VWA8: variants seen among roughly 807,000 people sequenced by gnomAD.
VWA8 encodes von Willebrand factor A domain-containing protein 8.
In VWA8, 221 loss-of-function variants were observed where a neutral mutation model predicts 241.5. The observed-to-expected ratio is 0.91, with a 90% CI of 0.82 to 1.02. The LOEUF (loss-of-function observed/expected upper bound fraction) is 1.02. Ranked by LOEUF, VWA8 falls within the 50% of genes least tolerant of loss-of-function variation. VWA8 has a pLI of 0.00. For synonymous variants in VWA8, 852 were observed against 827.1 expected, an observed-to-expected ratio of 1.03 and a Z score of -0.52; for missense variants, 2,322 against 2,328.7, an observed-to-expected ratio of 1.00 and a Z score of 0.06.
intron 26 of VWA8, among the ~76,000 whole-genome samples, chr13:41,716,351 T>C (rs1300055469): frequency 6.6e-6 from 1 of 152,038 alleles, no homozygotes; most frequent in East Asian, 1.9e-4. Context: ...TGCAGAAACC[T>C]GTGAGATAGA....
At chr13:41,687,924 T>C (rs1243750941) in intron 34 of VWA8, among the ~76,000 whole-genome samples, 2 of 152,136 alleles carry the variant, frequency 1.3e-5, no homozygotes, top group African/African-American at 2.4e-5. Context: ...TTAGCTTTTA[T>C]TTTCTAACTT....
At chr13:41,886,093 T>A in intron 7 of VWA8, 65 bp from the exon 8 acceptor site, 1 of 1,109,686 alleles carries the variant, frequency 9.0e-7, no homozygotes, top group East Asian at 2.7e-5. Context: ...TTGTTAAATA[T>A]AAAATACAGG....
intron 25 of VWA8, among the ~76,000 whole-genome samples, chr13:41,721,127 C>A (rs1283078964): frequency 6.6e-6 from 1 of 152,170 alleles, no homozygotes; most frequent in Non-Finnish European, 1.5e-5. Context: ...TAACAGCCTC[C>A]CACCAAATTT....
chr13:41,843,255 T>TA (rs1269842672), intron 12 of VWA8, among the ~76,000 whole-genome samples: 1 of 152,166 alleles, frequency 6.6e-6, no homozygotes, highest in Non-Finnish European at 1.5e-5. Flanking sequence ...GAATCATATT[T>TA]TATTCAAATA....
In VWA8 at chr13:41,799,229, C is replaced by T. The variant is rs76454356; in HGVS notation, c.2064-11686G>A. Among the ~76,000 whole-genome samples the T allele has an allele frequency of 5.4e-3, 820 of 152,238 alleles. 16 individuals carry two copies. The highest frequency in any genetic ancestry group is 0.018 in the African/African-American group (746 of 41,554). On this transcript the variant is annotated intron_variant, in intron 17 of 44. Coordinates refer to ENST00000379310, the MANE Select transcript of VWA8 (RefSeq NM_015058.2). ...TTACTTTTTACAATGACCAAATATT[C>T]AGATAGGATATTTAGTGTACTGATC... is the stretch of plus-strand genomic sequence containing the variant.
At chr13:41,732,472 C>A (rs928002141) in intron 21 of VWA8, among the ~76,000 whole-genome samples, 1 of 149,924 alleles carries the variant, frequency 6.7e-6, no homozygotes. Context: ...AGGGTGAAGA[C>A]GAGAAACTAA....
At chr13:41,592,034 C>T (rs77398570) in intron 40 of VWA8, among the ~76,000 whole-genome samples, 44,507 of 147,158 alleles carry the variant, frequency 0.3, 6,871 homozygotes, top group Non-Finnish European at 0.38. Context: ...TATTGCGGCA[C>T]TATTCACAAT....
chr13:41,628,900 G>T (rs548553780), intron 37 of VWA8, among the ~76,000 whole-genome samples: 1 of 152,118 alleles, frequency 6.6e-6, no homozygotes, highest in Non-Finnish European at 1.5e-5. Flanking sequence ...AATTAGCTGG[G>T]TGTGGTGGTG....
chr13:41,892,336 AG>A lies in VWA8; in HGVS notation c.484-750del, dbSNP rs151184569. 6.2e-3 allele frequency among the ~76,000 whole-genome samples: 940 copies of A among 152,320 alleles called. 8 individuals are homozygous for A. Among genetic ancestry groups the A allele is most frequent in the African/African-American group, 0.022 (896 of 41,576 alleles). On this transcript the variant is annotated intron_variant, in intron 4 of 44. Coordinates refer to ENST00000379310, the MANE Select transcript of VWA8 (RefSeq NM_015058.2). ...AAAATCCTTCATGTTCTGCTAAAAA[AG>A]GAAAACCTGTCATGTTTCTTCTGCA...
At chr13:41,644,650 G>A (rs1030738039) in intron 37 of VWA8, among the ~76,000 whole-genome samples, 1 of 152,220 alleles carries the variant, frequency 6.6e-6, no homozygotes, top group East Asian at 1.9e-4. Flanking sequence ...GTGCAAGGTG[G>A]GTTCCCCTGA....
At chr13:41,763,250 C>G (rs1390094475) in intron 20 of VWA8, among the ~76,000 whole-genome samples, 1 of 151,628 alleles carries the variant, frequency 6.6e-6, no homozygotes, top group African/African-American at 2.4e-5. Context: ...GATCACACCA[C>G]TACATTACAG....
chr13:41,651,849 T>C (rs1354563878), intron 37 of VWA8, among the ~76,000 whole-genome samples: 1 of 152,178 alleles, frequency 6.6e-6, no homozygotes, highest in African/African-American at 2.4e-5. Context: ...CAGGAAAGCC[T>C]GGAAGAGAAT....
chr13:41,697,939 G>A (rs993827414), intron 29 of VWA8, among the ~76,000 whole-genome samples: 4 of 151,998 alleles, frequency 2.6e-5, no homozygotes, highest in Non-Finnish European at 5.9e-5. Flanking sequence ...AGATGAAGAG[G>A]CATGTTTCTA....
intron 21 of VWA8, among the ~76,000 whole-genome samples, chr13:41,756,050 C>T (rs564896035): frequency 1.2e-4 from 18 of 151,404 alleles, no homozygotes; most frequent in Non-Finnish European, 2.1e-4. Context: ...GTTCTTTGAC[C>T]AATAATATTA....
chr13:41,746,657 G>A (rs1407702615), intron 21 of VWA8, among the ~76,000 whole-genome samples: 1 of 152,212 alleles, frequency 6.6e-6, no homozygotes, highest in African/African-American at 2.4e-5. Flanking sequence ...ACTCCTCAAA[G>A]GAGGTGTGAT....
At chr13:41,839,751 T>C (rs1220361804) in intron 12 of VWA8, among the ~76,000 whole-genome samples, 2 of 152,086 alleles carry the variant, frequency 1.3e-5, no homozygotes, top group Non-Finnish European at 1.5e-5. Context: ...CATTGGTCTA[T>C]ATCTCTGTTT....
chr13:41,634,145 G>A (rs1414174035), intron 37 of VWA8, among the ~76,000 whole-genome samples: 1 of 152,198 alleles, frequency 6.6e-6, no homozygotes, highest in African/African-American at 2.4e-5. Flanking sequence ...ACAGAGGGGA[G>A]AGGAGAGAAC....
At chr13:41,871,041 G>A (rs1014900507) in intron 9 of VWA8, among the ~76,000 whole-genome samples, 2 of 152,050 alleles carry the variant, frequency 1.3e-5, no homozygotes, top group Non-Finnish European at 2.9e-5. Context: ...CAGTCCAAAA[G>A]CTTGAAATCA....
intron 21 of VWA8, among the ~76,000 whole-genome samples, chr13:41,734,216 T>C (rs765565542): frequency 8.5e-5 from 13 of 152,128 alleles, no homozygotes; most frequent in Non-Finnish European, 1.8e-4. Flanking sequence ...CACGTGCCTG[T>C]AATCCCAGCT....
Sources: allele counts gnomAD v4.1 joint callset (sites outside exome capture counted in the v4.1 genomes callset), GRCh38; gene constraint gnomAD v4.1.1; transcripts MANE v1.5; gene names NCBI Gene and HGNC (gene_info 2026-07-23, HGNC 2026-07-21).